The following INSC variants were observed in gnomAD, a reference collection of about 807,000 sequenced individuals.
INSC encodes the protein protein inscuteable homolog.
INSC carries 67 observed loss-of-function variants against 58.6 expected under a neutral mutation model. The observed-to-expected ratio is 1.14, with a 90% confidence interval of 0.94 to 1.40. The LOEUF (loss-of-function observed/expected upper bound fraction) is 1.40. INSC is among the 40% of genes most tolerant of loss of function. INSC has a pLI of 0.00. For synonymous variants in INSC, 262 were observed against 276.1 expected, an observed-to-expected ratio of 0.95 and a Z score of 0.51; for missense variants, 714 against 692.0, an observed-to-expected ratio of 1.03 and a Z score of -0.36.
At chr11:15,266,091 A>G in the INSC span, among the ~76,000 whole-genome samples, 1 of 151,982 alleles carries the variant, frequency 6.6e-6, no homozygotes, top group African/African-American at 2.4e-5. Context: ...GAAGCAGAAT[A>G]TAGGATTGAA....
rs767441140 is a variant in INSC at position 15,240,449 on chromosome 11, A to C, written c.1396A>C (p.Met466Leu). ...VAREAVRLSC[M>L]SRLIELCRSP... ...GGCTCTCCCTGTGTCTCCTACAGGC[A>C]TGTCCCGTCTCATCGAGCTCTGCAG... The change falls in exon 12 of 13, where the codon ATG (methionine) becomes CTG (leucine). Residue 466 changes from methionine (M) to leucine (L), a missense_variant and splice_region_variant. By Grantham distance (15) the Met-to-Leu change is conservative. Transcript: ENST00000379556. 3 of 1,613,788 alleles carry C rather than the reference A, an allele frequency of 1.9e-6. No individual in the cohort carries two copies. The highest frequency in any genetic ancestry group is 4.5e-5 in the East Asian group (2 of 44,822).
chr11:15,135,214 T>C (rs1265044364), intron 1 of INSC, among the ~76,000 whole-genome samples: 1 of 152,194 alleles, frequency 6.6e-6, no homozygotes, highest in South Asian at 2.1e-4. Context: ...AACACTCTGT[T>C]GGTGGAAAGA....
At chr11:15,249,359 T>A (rs2133994036), downstream of INSC, among the ~76,000 whole-genome samples, 1 of 152,246 alleles carries the variant, frequency 6.6e-6, no homozygotes, top group Non-Finnish European at 1.5e-5. Context: ...TTTATGAAAC[T>A]TGTTTTAGAG....
the INSC span, among the ~76,000 whole-genome samples, chr11:15,263,608 A>G: frequency 6.6e-6 from 1 of 152,270 alleles, no homozygotes; most frequent in African/African-American, 2.4e-5. Context: ...TGTTGTTATA[A>G]TAAGTTATCA....
At chr11:15,151,788 G>C (rs573585217) in intron 2 of INSC, among the ~76,000 whole-genome samples, 6 of 152,258 alleles carry the variant, frequency 3.9e-5, no homozygotes, top group African/African-American at 9.6e-5. Context: ...TTATGGGAAG[G>C]CTTCTGGGGT....
intron 9 of INSC, among the ~76,000 whole-genome samples, chr11:15,233,007 C>T (rs761620450): frequency 2.5e-4 from 38 of 152,158 alleles, no homozygotes; most frequent in South Asian, 2.1e-4. Flanking sequence ...ACTGAGTTTG[C>T]GATAATTTGT....
At chr11:15,254,211 A>C in the INSC span, among the ~76,000 whole-genome samples, 1 of 152,134 alleles carries the variant, frequency 6.6e-6, no homozygotes, top group Non-Finnish European at 1.5e-5. Flanking sequence ...TGTGGGATAG[A>C]ATCCATATCT....
At position 15,157,281 on chromosome 11, in the gene INSC, G is replaced by C. The variant is rs548512176; in HGVS notation, c.56+8051G>C. Reference sequence around the variant, plus strand: ...CAAGTCCTGGCCCCTGGCCTCTCCAGCTCCTTGGCCAGGGACCTTACAAGC... The same window carrying C: ...CAAGTCCTGGCCCCTGGCCTCTCCACCTCCTTGGCCAGGGACCTTACAAGC... On this transcript the variant is annotated intron_variant, in intron 2 of 12. Transcript: ENST00000379556. Among the ~76,000 whole-genome samples, 47 of 152,310 alleles carry C rather than the reference G, an allele frequency of 3.1e-4. 1 individual carries two copies. The highest frequency in any genetic ancestry group is 5.3e-4 in the Non-Finnish European group (36 of 68,026).
chr11:15,143,437 C>T (rs933653111), intron 1 of INSC, among the ~76,000 whole-genome samples: 1 of 151,914 alleles, frequency 6.6e-6, no homozygotes, highest in South Asian at 2.1e-4. Flanking sequence ...CAGGGGGAGG[C>T]GTGGCTTGCT....
intron 2 of INSC, among the ~76,000 whole-genome samples, chr11:15,166,942 A>G (rs1849217725): frequency 1.3e-5 from 2 of 152,216 alleles, no homozygotes; most frequent in Admixed American, 6.5e-5. Context: ...AGTGAATAAG[A>G]GAGTAAACCA....
intron 9 of INSC, among the ~76,000 whole-genome samples, chr11:15,230,297 CTGTT>C (rs1012003555): frequency 4.0e-5 from 6 of 151,882 alleles, no homozygotes; most frequent in African/African-American, 9.7e-5. Context: ...AAGCTGGAAT[CTGTT>C]TGGCTTCTGG....
At chr11:15,115,577 C>G (rs1847672454) in intron 1 of INSC, among the ~76,000 whole-genome samples, 1 of 152,154 alleles carries the variant, frequency 6.6e-6, no homozygotes, top group African/African-American at 2.4e-5. Flanking sequence ...GAATGTGGCT[C>G]TGACTAACCC....
At chr11:15,230,713 T>C (rs1189118355) in intron 9 of INSC, among the ~76,000 whole-genome samples, 2 of 152,252 alleles carry the variant, frequency 1.3e-5, no homozygotes, top group Non-Finnish European at 2.9e-5. Flanking sequence ...CTGACTTTTA[T>C]ATGCTCTCTA....
chr11:15,186,876 T>TA (rs928911593), intron 5 of INSC, among the ~76,000 whole-genome samples: 8 of 152,040 alleles, frequency 5.3e-5, no homozygotes, highest in East Asian at 3.8e-4. Flanking sequence ...AAATACTTTT[T>TA]AAAAAAAACC....
intron 2 of INSC, among the ~76,000 whole-genome samples, chr11:15,171,516 C>T (rs1024190155): frequency 2.6e-5 from 4 of 152,180 alleles, no homozygotes; most frequent in African/African-American, 9.7e-5. Flanking sequence ...CTTTGACTGC[C>T]TCACCCTGGA....
intron 2 of INSC, among the ~76,000 whole-genome samples, chr11:15,165,887 T>A (rs564458367): frequency 6.6e-6 from 1 of 152,152 alleles, no homozygotes; most frequent in East Asian, 1.9e-4. Context: ...TGGGGGAACA[T>A]ATGTTAGATG....
At chr11:15,139,986 C>T (rs901288412) in intron 1 of INSC, among the ~76,000 whole-genome samples, 7 of 152,200 alleles carry the variant, frequency 4.6e-5, no homozygotes, top group Admixed American at 6.5e-5. Context: ...TCAACCAGAG[C>T]CCCAGAGCCA....
the INSC span, among the ~76,000 whole-genome samples, chr11:15,254,743 C>G: frequency 6.6e-6 from 1 of 152,192 alleles, no homozygotes; most frequent in African/African-American, 2.4e-5. Context: ...CCTGGTCCTG[C>G]TTGACAGTGC....
intron 1 of INSC, among the ~76,000 whole-genome samples, chr11:15,129,635 T>C (rs149764479): frequency 1.0e-3 from 159 of 152,360 alleles, no homozygotes; most frequent in Middle Eastern, 3.4e-3. Context: ...TCACATATTT[T>C]TGTTGCTTTG....
Sources: allele counts gnomAD v4.1 joint callset (sites outside exome capture counted in the v4.1 genomes callset), GRCh38; gene constraint gnomAD v4.1.1; transcripts MANE v1.5; gene names NCBI Gene and HGNC (gene_info 2026-07-23, HGNC 2026-07-21).